Variants in INPP4B observed in about 807,000 individuals in gnomAD.
The protein encoded by INPP4B is inositol polyphosphate-4-phosphatase type II B.
Under a neutral mutation model 122.5 loss-of-function variants are expected in INPP4B, and 55 were observed. The observed-to-expected ratio is 0.45, with a 90% CI of 0.36 to 0.56. INPP4B has a LOEUF of 0.56. Among genes scored for constraint, INPP4B ranks in the 20% least tolerant of loss-of-function variants. The pLI is 0.00. For synonymous variants in INPP4B, 403 were observed against 388.7 expected, an observed-to-expected ratio of 1.04 and a Z score of -0.43; for missense variants, 1,000 against 1,097.7, an observed-to-expected ratio of 0.91 and a Z score of 1.26.
At chr4:142,200,578 AT>A (rs113264131) in intron 14 of INPP4B, among the ~76,000 whole-genome samples, 4,536 of 151,936 alleles carry the variant, frequency 0.03, 212 homozygotes, top group African/African-American at 0.1. Context: ...TTTTATTATC[AT>A]TTTTTATAAT....
chr4:142,661,657 A>G (rs1352962980), intron 2 of INPP4B, among the ~76,000 whole-genome samples: 2 of 152,206 alleles, frequency 1.3e-5, no homozygotes, highest in African/African-American at 2.4e-5. Context: ...TCTTTCTTTC[A>G]TGCTTTGTTA....
At chr4:142,559,926 A>T (rs189763103) in intron 2 of INPP4B, among the ~76,000 whole-genome samples, 338 of 152,306 alleles carry the variant, frequency 2.2e-3, no homozygotes, top group African/African-American at 7.6e-3. Context: ...TATACACTTT[A>T]AAAATCTACG....
intron 2 of INPP4B, among the ~76,000 whole-genome samples, chr4:142,523,641 T>C (rs1338167880): frequency 6.6e-6 from 1 of 152,138 alleles, no homozygotes; most frequent in African/African-American, 2.4e-5. Context: ...CTTTTTTCAA[T>C]AAAAGTATGT....
chr4:142,587,258 AT>A lies in INPP4B; in HGVS notation c.-190-124533del, dbSNP rs560480567. Among the ~76,000 whole-genome samples, 107 of 151,956 alleles carry A rather than the reference AT, an allele frequency of 7.0e-4. No individual in the cohort carries two copies. In the Middle Eastern group the frequency reaches 0.017, roughly 24 times the overall value. On this transcript the variant is annotated intron_variant, in intron 2 of 25. Transcript: ENST00000262992. ...ACACCCCATCCATTTTTAAGAGGTC[AT>A]TTTTTTTATATCACTGGTTTCCATA...
In INPP4B at chr4:142,312,960, T is replaced by C. The variant is rs116253089; in HGVS notation, c.423+1752A>G. Among the ~76,000 whole-genome samples, 1,108 of 152,056 alleles carry C rather than the reference T, an allele frequency of 7.3e-3. 10 individuals are homozygous for C. The highest frequency in any genetic ancestry group is 0.011 in the Non-Finnish European group (721 of 67,968). ...GGGGCAAGCCCAGAATAAACCTCTG[T>C]CTCCCTACTCCTTCCTCTTTGCTGC... On this transcript the variant is annotated intron_variant, in intron 8 of 25. Transcript: ENST00000262992.
At chr4:142,373,413 C>T (rs903348338) in intron 7 of INPP4B, among the ~76,000 whole-genome samples, 4 of 151,944 alleles carry the variant, frequency 2.6e-5, no homozygotes, top group Non-Finnish European at 5.9e-5. Context: ...TAATAGGTAT[C>T]TGAACAATAA....
intron 25 of INPP4B, among the ~76,000 whole-genome samples, chr4:142,066,609 G>A (rs1034177767): frequency 3.9e-5 from 6 of 152,114 alleles, no homozygotes; most frequent in African/African-American, 1.4e-4. Context: ...CTGGAAAATC[G>A]GGATACTCTG....
At chr4:142,253,496 C>T (rs547759363) in intron 11 of INPP4B, among the ~76,000 whole-genome samples, 42 of 152,184 alleles carry the variant, frequency 2.8e-4, no homozygotes, top group South Asian at 6.2e-4. Context: ...AGTGGGTGCG[C>T]GCACCATGTG....
At chr4:142,462,138 T>C (rs2149596650) in intron 3 of INPP4B, among the ~76,000 whole-genome samples, 1 of 152,276 alleles carries the variant, frequency 6.6e-6, no homozygotes, top group East Asian at 1.9e-4. Flanking sequence ...TCTCAAACTT[T>C]AGGTCTTAGG....
chr4:142,843,882 T>C (rs567732630), intron 1 of INPP4B, among the ~76,000 whole-genome samples: 43 of 152,262 alleles, frequency 2.8e-4, no homozygotes, highest in Middle Eastern at 3.4e-3. Context: ...GTACTTATAC[T>C]AGAAGATGCT....
chr4:142,355,561 G>A (rs1783317869), intron 7 of INPP4B, among the ~76,000 whole-genome samples: 2 of 151,998 alleles, frequency 1.3e-5, no homozygotes, highest in African/African-American at 2.4e-5. Context: ...GTAGGCACAG[G>A]CATGTTTCAT....
At chr4:142,080,861 GATTTC>G (rs960604077) in intron 25 of INPP4B, among the ~76,000 whole-genome samples, 1 of 152,080 alleles carries the variant, frequency 6.6e-6, no homozygotes, top group African/African-American at 2.4e-5. Context: ...CAGATTTGAA[GATTTC>G]ATACTTGAAT....
At chr4:142,112,358 C>T (rs1000965173) in intron 22 of INPP4B, among the ~76,000 whole-genome samples, 184 bp downstream of exon 22, 4 of 152,146 alleles carry the variant, frequency 2.6e-5, no homozygotes, top group Admixed American at 2.6e-4. Flanking sequence ...TTAAATTTGG[C>T]TTGGGCCAGG....
chr4:142,410,897 T>G (rs1248917218), intron 5 of INPP4B, among the ~76,000 whole-genome samples: 1 of 152,238 alleles, frequency 6.6e-6, no homozygotes, highest in Non-Finnish European at 1.5e-5. Flanking sequence ...GCTCAAGATA[T>G]TCCAGATTGG....
chr4:142,042,079 T>C (rs1325140687), intron 25 of INPP4B, among the ~76,000 whole-genome samples: 1 of 151,950 alleles, frequency 6.6e-6, no homozygotes, highest in East Asian at 1.9e-4. Flanking sequence ...AGTCAGACCA[T>C]TCAGCAAGAT....
chr4:142,568,120 T>C (rs1351318881), intron 2 of INPP4B, among the ~76,000 whole-genome samples: 1 of 150,084 alleles, frequency 6.7e-6, no homozygotes, highest in East Asian at 2.0e-4. Context: ...TTGGCTTTGA[T>C]TATTCTTTCC....
chr4:142,551,582 T>C (rs1727985643), intron 2 of INPP4B, among the ~76,000 whole-genome samples: 1 of 152,180 alleles, frequency 6.6e-6, no homozygotes, highest in African/African-American at 2.4e-5. Flanking sequence ...TTATAATTTG[T>C]GATATACACA....
rs555671261 is a variant in INPP4B at position 142,069,175 on chromosome 4, A to G, written c.2642+12856T>C. On this transcript the variant is annotated intron_variant, in intron 25 of 25. Coordinates refer to ENST00000262992, the MANE Select transcript of INPP4B (RefSeq NM_001101669.3). The stretch of plus-strand genomic sequence containing the variant: ...ATCAAACTAGAACTCAGGATTAAGA[A>G]ACTCACTCAAAACCGCTCAACTACA... Among the ~76,000 whole-genome samples the G allele has an allele frequency of 9.8e-5, 15 of 152,324 alleles. No homozygotes were observed. The East Asian group carries it at 2.9e-3, about 29-fold the overall frequency.
chr4:142,110,566 T>G (rs1237419644), intron 22 of INPP4B, among the ~76,000 whole-genome samples: 1 of 152,166 alleles, frequency 6.6e-6, no homozygotes, highest in Non-Finnish European at 1.5e-5. Flanking sequence ...AAAAGGAGGT[T>G]CAGAGAACAG....
Sources: gnomAD v4.1 joint callset for allele counts (sites outside exome capture counted in the v4.1 genomes callset) on GRCh38, gnomAD v4.1.1 for gene constraint, MANE v1.5 for transcripts, NCBI Gene and HGNC (gene_info 2026-07-23, HGNC 2026-07-21) for gene names.